The following ZFAT variants were observed in gnomAD, a reference collection of about 807,000 sequenced individuals.
ZFAT encodes zinc finger and AT-hook domain containing.
Under a neutral mutation model 117.7 loss-of-function variants are expected in ZFAT, and 64 were observed. That is an observed-to-expected ratio of 0.54 (90% CI 0.44 to 0.67). The LOEUF is 0.67. Among genes scored for constraint, ZFAT ranks in the 30% least tolerant of loss-of-function variants. ZFAT has a pLI of 0.00. For missense variants in ZFAT, 1,433 were observed against 1,584.5 expected, an observed-to-expected ratio of 0.90 and a Z score of 1.62; for synonymous variants, 679 against 615.0, an observed-to-expected ratio of 1.10 and a Z score of -1.54.
At chr8:134,757,670 G>A in the ZFAT span, among the ~76,000 whole-genome samples, 2,920 of 152,254 alleles carry the variant, frequency 0.019, 79 homozygotes, top group African/African-American at 0.067. Context: ...GGCTTTTGCA[G>A]GGTACCAATG....
At chr8:134,740,709 T>C in the ZFAT span, among the ~76,000 whole-genome samples, 1 of 152,204 alleles carries the variant, frequency 6.6e-6, no homozygotes, top group African/African-American at 2.4e-5. Flanking sequence ...GTTCTGGCCT[T>C]TGGAAGGACC....
At chr8:134,649,424 C>A (rs942970154) in intron 2 of ZFAT, among the ~76,000 whole-genome samples, 1 of 152,084 alleles carries the variant, frequency 6.6e-6, no homozygotes, top group African/African-American at 2.4e-5. Context: ...GAGGAATACA[C>A]TAGAAAACTA....
intron 1 of ZFAT, among the ~76,000 whole-genome samples, chr8:134,667,119 C>A (rs760830972): frequency 1.3e-5 from 2 of 152,140 alleles, no homozygotes; most frequent in African/African-American, 4.8e-5. Flanking sequence ...GAACATCACA[C>A]ACTGGGGCCT....
intron 15 of ZFAT, among the ~76,000 whole-genome samples, chr8:134,488,901 C>T (rs979547413): frequency 6.7e-6 from 1 of 149,672 alleles, no homozygotes; most frequent in African/African-American, 2.5e-5. Flanking sequence ...GGTGTAGCAA[C>T]AGCCCAAGGG....
Position 134,485,942 on chromosome 8 carries a change from C to T in ZFAT, c.3493-7221G>A, listed in dbSNP as rs141561717. Among the ~76,000 whole-genome samples the T allele has an allele frequency of 8.9e-4, 135 of 152,328 alleles. 2 individuals are homozygous for T. The East Asian group carries it at 0.023, about 25-fold the overall frequency. Reference sequence around the variant, plus strand: ...AGGGTGCGAAGAACCTCCTGGTGCCCGAGTTCCCCACATGCCTGTGCAGAG... The same window carrying T: ...AGGGTGCGAAGAACCTCCTGGTGCCTGAGTTCCCCACATGCCTGTGCAGAG... On this transcript the variant is annotated intron_variant, in intron 15 of 15. Transcript: ENST00000377838.
intron 11 of ZFAT, among the ~76,000 whole-genome samples, chr8:134,562,776 A>G (rs1824142787): frequency 6.6e-6 from 1 of 152,212 alleles, no homozygotes; most frequent in East Asian, 1.9e-4. Flanking sequence ...GTGATTCCTT[A>G]ACTGAAACCA....
At chr8:134,793,944 G>A in the ZFAT span, 1 of 152,132 alleles carries the variant, frequency 6.6e-6, no homozygotes, top group African/African-American at 2.4e-5. Flanking sequence ...GAATTTACAA[G>A]ACTATAACAT....
rs768338143 is a variant in ZFAT at position 134,520,927 on chromosome 8, G to T, written c.3190C>A (p.His1064Asn). 1 of 1,613,674 alleles carries T rather than the reference G, an allele frequency of 6.2e-7. No individual in the cohort carries two copies. The highest frequency in any genetic ancestry group is 1.3e-5 in the African/African-American group (1 of 74,868). The change falls in exon 13 of 16, where the codon CAT becomes AAT. Residue 1064 changes from histidine to asparagine, a missense_variant. His to Asn is a moderately conservative substitution (Grantham distance 68, BLOSUM62 1). Coordinates refer to ENST00000377838, the MANE Select transcript of ZFAT (RefSeq NM_020863.4). ...TCAATTTCCACCACCTTCAAGCCAT[G>T]TTTGTTCTTCAAGTGCCTATTGAAC... The part of the protein sequence containing the change: ...WEFNRHLKNK[H>N]GLKVVEIDGD...
intron 15 of ZFAT, among the ~76,000 whole-genome samples, chr8:134,503,036 C>T (rs543761654): frequency 1.4e-4 from 21 of 152,340 alleles, no homozygotes; most frequent in African/African-American, 5.1e-4. Context: ...AACTCCTGGG[C>T]TGCAGGGGAA....
chr8:134,600,291 G>T, intron 7 of ZFAT, 145 bp downstream of exon 7: 2 of 761,234 alleles, frequency 2.6e-6, no homozygotes, highest in Non-Finnish European at 4.6e-6. Flanking sequence ...GGAAGCCTCT[G>T]CCACGTGCAC....
At chr8:134,698,417 CG>C (rs974127255) in intron 1 of ZFAT, among the ~76,000 whole-genome samples, 8 of 151,996 alleles carry the variant, frequency 5.3e-5, no homozygotes, top group Non-Finnish European at 7.4e-5. Flanking sequence ...GAAGAGGCAG[CG>C]GGGGAACCTG....
intron 5 of ZFAT, among the ~76,000 whole-genome samples, chr8:134,605,239 T>G (rs1412544307): frequency 2.6e-5 from 4 of 152,312 alleles, no homozygotes; most frequent in African/African-American, 9.6e-5. Context: ...AGAGGTACTC[T>G]CACCACTGCT....
At chr8:134,678,565 C>T (rs1482484860) in intron 1 of ZFAT, among the ~76,000 whole-genome samples, 1 of 152,128 alleles carries the variant, frequency 6.6e-6, no homozygotes, top group Non-Finnish European at 1.5e-5. Flanking sequence ...TGACTCTTCA[C>T]AGAATTGTAA....
intron 7 of ZFAT, chr8:134,599,920 T>A (rs2130917963): frequency 1.5e-5 from 6 of 403,058 alleles, no homozygotes; most frequent in South Asian, 1.1e-4. Context: ...TTTCACTTTT[T>A]TAAAATAAAC....
the ZFAT span, among the ~76,000 whole-genome samples, chr8:134,726,071 C>A: frequency 6.6e-6 from 1 of 152,028 alleles, no homozygotes; most frequent in African/African-American, 2.4e-5. Context: ...AGACAAGAGT[C>A]CTCCTTTCAT....
chr8:134,608,921 A>G (rs2130961639), intron 4 of ZFAT, 42 bp from the exon 5 acceptor site: 4 of 1,584,914 alleles, frequency 2.5e-6, no homozygotes, highest in East Asian at 2.3e-5. Flanking sequence ...AGAGGCATCG[A>G]AAGTGGGCAC....
the ZFAT span, among the ~76,000 whole-genome samples, chr8:134,720,566 G>A: frequency 6.6e-6 from 1 of 152,252 alleles, no homozygotes; most frequent in East Asian, 1.9e-4. Context: ...GAACACGGAA[G>A]ACAAGCCAGG....
intron 2 of ZFAT, among the ~76,000 whole-genome samples, chr8:134,653,237 G>A (rs1376021160): frequency 6.7e-5 from 6 of 89,646 alleles, no homozygotes; most frequent in African/African-American, 1.7e-4. Flanking sequence ...GCTACAAATA[G>A]CAAAGACTTG....
the ZFAT span, among the ~76,000 whole-genome samples, chr8:134,820,754 T>C: frequency 6.6e-6 from 1 of 152,336 alleles, no homozygotes; most frequent in South Asian, 2.1e-4. Flanking sequence ...ATAATCCGAC[T>C]ACAGAAAGAA....
Sources: allele counts gnomAD v4.1 joint callset (sites outside exome capture counted in the v4.1 genomes callset), GRCh38; gene constraint gnomAD v4.1.1; transcripts MANE v1.5; gene names NCBI Gene and HGNC (gene_info 2026-07-23, HGNC 2026-07-21).